TRPV3: variants seen among roughly 807,000 people sequenced by gnomAD.
TRPV3 encodes the protein transient receptor potential cation channel subfamily V member 3, also known as VRL-3.
In TRPV3, 88 loss-of-function variants were observed where a neutral mutation model predicts 87.1. The ratio of observed to expected loss-of-function variants is 1.01; its 90% CI spans 0.85 to 1.21. The LOEUF is 1.21. Among genes scored for constraint, TRPV3 ranks in the 50% most tolerant of loss-of-function variants. The probability of loss-of-function intolerance (pLI) is 0.00; values close to 1 mark genes in which losing one functional copy is unlikely to be tolerated. For synonymous variants in TRPV3, 438 were observed against 423.3 expected (o/e 1.03, Z -0.43); for missense variants, 1,054 against 1,030.1 (o/e 1.02, Z -0.32).
Position 3,545,186 on chromosome 17 carries a change from C to A in TRPV3, c.205G>T (p.Asp69Tyr). ...TSPPVFSKPM[D>Y]SNIRQCISGN... ...ACTCACCACTGCCGGATGTTGGAAT[C>A]CATGGGCTTGGAGAAGACAGGAGGA... is the stretch of plus-strand genomic sequence containing the variant. Residue 69 changes from aspartate (D) to tyrosine (Y), a missense_variant, in exon 3 of 18, where the codon GAT becomes TAT. Coordinates refer to ENST00000576742, the MANE Select transcript of TRPV3 (RefSeq NM_145068.4). 1 of 1,613,844 alleles carries A rather than the reference C, an allele frequency of 6.2e-7. No individual in the cohort carries two copies. Among genetic ancestry groups the A allele is most frequent in the Non-Finnish European group, 8.5e-7 (1 of 1,179,848 alleles).
At chr17:3,529,216 G>A (rs1436523289) in intron 9 of TRPV3, among the ~76,000 whole-genome samples, 1 of 152,164 alleles carries the variant, frequency 6.6e-6, no homozygotes, top group Non-Finnish European at 1.5e-5. Context: ...GCCCGGGCTT[G>A]CAGCAGGAGG....
intron 14 of TRPV3, among the ~76,000 whole-genome samples, chr17:3,519,395 GGGAT>G (rs1209904290): frequency 1.6e-4 from 18 of 110,692 alleles, no homozygotes; most frequent in Admixed American, 7.0e-4. Context: ...ATTAGATGGA[GGGAT>G]GGATGGATGG....
intron 8 of TRPV3, among the ~76,000 whole-genome samples, chr17:3,531,812 C>A (rs181657466): frequency 1.3e-5 from 2 of 152,326 alleles, no homozygotes. Context: ...TCCTCCCCCA[C>A]GGGAGAATCA....
intron 8 of TRPV3, 57 bp downstream of exon 8, chr17:3,532,600 G>A: frequency 6.3e-7 from 1 of 1,586,394 alleles, no homozygotes; most frequent in Non-Finnish European, 8.6e-7. Context: ...CTGAGAGGGT[G>A]GCAGCTGTAC....
At chr17:3,545,637 G>A (rs935782273) in intron 2 of TRPV3, among the ~76,000 whole-genome samples, 1 of 151,906 alleles carries the variant, frequency 6.6e-6, no homozygotes, top group Admixed American at 6.6e-5. Context: ...GATTCTGAGG[G>A]CCTCAATATT....
At chr17:3,533,022 A>G (rs1440012131) in intron 7 of TRPV3, 85 bp from the exon 8 acceptor site, 5 of 1,494,384 alleles carry the variant, frequency 3.3e-6, no homozygotes, top group African/African-American at 1.4e-5. Context: ...CCCATATCCT[A>G]TCTCAGCAGG....
chr17:3,532,859 T>C lies in TRPV3; in HGVS notation c.863A>G (p.Asp288Gly). ...GCCTCGTGAGTCCCGCGAGGTGATGTCCGTCTGCTCGTGCTCCATCAGCAG... is the reference window on the plus strand; with the variant it reads ...GCCTCGTGAGTCCCGCGAGGTGATGCCCGTCTGCTCGTGCTCCATCAGCAG... ...VQLLMEHEQT[D>G]ITSRDSRGNN... Residue 288 changes from aspartate (D) to glycine (G), a missense_variant, in exon 8 of 18, where the codon GAC (aspartate) becomes GGC (glycine). By Grantham distance (94) the Asp-to-Gly change is moderately conservative. Transcript: ENST00000576742. 1 of 1,614,228 alleles carries C rather than the reference T, an allele frequency of 6.2e-7. No homozygotes were observed. The highest frequency in any genetic ancestry group is 8.5e-7 in the Non-Finnish European group (1 of 1,180,036).
In TRPV3 at chr17:3,513,431, T is replaced by C; in HGVS notation, c.*486A>G. ...GCTTACCTCCGTCCCCCGCACACTC[T>C]GGGATGGGATCACGGGTCTCCCACA... On this transcript the variant is annotated 3_prime_UTR_variant, in exon 18 of 18. Coordinates refer to ENST00000576742, the MANE Select transcript of TRPV3 (RefSeq NM_145068.4). 6.4e-6 allele frequency: 1 copy of C among 155,768 alleles called. No individual in the cohort carries two copies. The allele number at this position is 155,768 out of a possible 1,614,324, so 9.6% of individuals were successfully genotyped here.
At chr17:3,535,901 T>C (rs1037047556) in intron 6 of TRPV3, among the ~76,000 whole-genome samples, 188 bp from the exon 7 acceptor site, 2 of 152,224 alleles carry the variant, frequency 1.3e-5, no homozygotes, top group Middle Eastern at 6.8e-3. Context: ...CAAGAAATGT[T>C]TGTGGAGCGC....
chr17:3,540,044 C>T (rs1000398845), intron 6 of TRPV3, among the ~76,000 whole-genome samples: 1 of 147,846 alleles, frequency 6.8e-6, no homozygotes, highest in Admixed American at 6.7e-5. Context: ...GGTGACACAG[C>T]GGAACTCCAT....
At chr17:3,532,379 C>T (rs2074356309) in intron 8 of TRPV3, among the ~76,000 whole-genome samples, 1 of 152,268 alleles carries the variant, frequency 6.6e-6, no homozygotes, top group African/African-American at 2.4e-5. Context: ...CAGCCTCAGG[C>T]TCCCCCAGCC....
intron 6 of TRPV3, 88 bp downstream of exon 6, chr17:3,542,434 C>A: frequency 1.4e-6 from 2 of 1,466,850 alleles, no homozygotes; most frequent in Non-Finnish European, 1.8e-6. Flanking sequence ...AGCAGTGCCT[C>A]CACGTGGCCT....
In TRPV3 at chr17:3,516,507, C is replaced by T. The variant is rs1194395247; in HGVS notation, c.2148G>A (p.Arg716=). 6.2e-7 allele frequency: 1 copy of T among 1,614,028 alleles called. No individual in the cohort carries two copies. The highest frequency in any genetic ancestry group is 8.5e-7 in the Non-Finnish European group (1 of 1,180,036). The change falls in exon 16 of 18, where the codon CGG becomes CGA. Residue 716 remains arginine (R), a synonymous_variant. Transcript: ENST00000576742. ...MLPEWLRSRF[R]MGELCKVAED... ...CGGCCACTTTGCACAGCTCTCCCAT[C>T]CGGAATCTGCTCCTCAGCCATTCTG... is the stretch of plus-strand genomic sequence containing the variant.
chr17:3,542,621 T>TG lies in TRPV3; in HGVS notation c.543dup (p.Asn182GlnfsTer14). ...AGGATCCGCACTATCTCCTTGGTGTTGGGGTTGATGTTTAACAAGGCCTTC... is the reference window on the plus strand; with the variant it reads ...AGGATCCGCACTATCTCCTTGGTGTTGGGGGTTGATGTTTAACAAGGCCTTC... On this transcript the variant is annotated frameshift_variant, in exon 6 of 18. Coordinates refer to ENST00000576742, the MANE Select transcript of TRPV3 (RefSeq NM_145068.4). LOFTEE classifies it high-confidence loss of function. 1 of 1,614,016 alleles carries TG rather than the reference T, an allele frequency of 6.2e-7. No individual in the cohort carries two copies. The highest frequency in any genetic ancestry group is 8.5e-7 in the Non-Finnish European group (1 of 1,179,930).
rs1026446449 is a variant in TRPV3, at chr17:3,557,492, G to A, written c.-3+184C>T. 1.3e-5 allele frequency among the ~76,000 whole-genome samples: 2 copies of A among 152,156 alleles called. No individual in the cohort carries two copies. The highest frequency in any genetic ancestry group is 2.9e-5 in the Non-Finnish European group (2 of 68,016). On this transcript the variant is annotated intron_variant, in intron 1 of 17. Transcript: ENST00000576742. The surrounding 1 kb of genome is among the most constrained non-coding windows in gnomAD (Gnocchi z 4.5). ...CTCACACATCCCTACAGCCAAGAGT[G>A]CAGCCAAGAGTGCCTCCCTACAGCC...
intron 6 of TRPV3, among the ~76,000 whole-genome samples, chr17:3,536,378 C>A (rs1597482601): frequency 6.6e-6 from 1 of 152,140 alleles, no homozygotes; most frequent in Non-Finnish European, 1.5e-5. Flanking sequence ...CACCTGAGGT[C>A]AGGAGTTCGA....
Position 3,528,720 on chromosome 17 carries a change from G to A in TRPV3, c.1401+117C>T, listed in dbSNP as rs560024416. On this transcript the variant is annotated intron_variant, in intron 10 of 17. Coordinates refer to ENST00000576742, the MANE Select transcript of TRPV3 (RefSeq NM_145068.4). This position sits in a 1 kb window ranked among gnomAD's most constrained non-coding sequence, Gnocchi z 4.2. Reference sequence around the variant, plus strand: ...TGGGAAGCGTGAAGGACAACTGGGGGACCCCGCCCAATCTCCTGGTCTCTC... The same window carrying A: ...TGGGAAGCGTGAAGGACAACTGGGGAACCCCGCCCAATCTCCTGGTCTCTC... 1 of 1,249,044 alleles carries A rather than the reference G, an allele frequency of 8.0e-7. No individual in the cohort carries two copies. The highest frequency in any genetic ancestry group is 1.1e-6 in the Non-Finnish European group (1 of 904,392). The allele number at this position is 1,249,044 out of a possible 1,614,324, so 77.4% of individuals were successfully genotyped here.
intron 13 of TRPV3, 58 bp downstream of exon 13, chr17:3,524,140 C>T: frequency 6.3e-7 from 1 of 1,590,862 alleles, no homozygotes; most frequent in Non-Finnish European, 8.6e-7. Flanking sequence ...CTCAGTTTCC[C>T]CATCTGAAAA....
At chr17:3,543,451 C>G (rs1056704350) in intron 5 of TRPV3, 23 bp downstream of exon 5, 16 of 1,610,974 alleles carry the variant, frequency 9.9e-6, no homozygotes, top group Admixed American at 1.7e-5. Context: ...GCCCTGCACC[C>G]TCTGCCAGGC....
Sources: gnomAD v4.1 joint callset for allele counts (sites outside exome capture counted in the v4.1 genomes callset) on GRCh38, gnomAD v4.1.1 for gene constraint, Gnocchi (gnomAD v3.1) non-coding constraint, MANE v1.5 for transcripts, NCBI Gene and HGNC (gene_info 2026-07-23, HGNC 2026-07-21) for gene names.